ATP12A: variants seen among roughly 807,000 people sequenced by gnomAD.
ATP12A encodes the protein potassium-transporting ATPase alpha chain 2.
A neutral mutation model predicts 111.2 loss-of-function variants in ATP12A; 81 were observed. The ratio of observed to expected loss-of-function variants is 0.73; its 90% CI spans 0.61 to 0.88. The LOEUF (loss-of-function observed/expected upper bound fraction) is 0.88, where lower values mean the gene tolerates loss of function less well. Among genes scored for constraint, ATP12A ranks in the 40% least tolerant of loss-of-function variants. The pLI is 0.00. For missense variants in ATP12A, 1,196 were observed against 1,313.1 expected, an observed-to-expected ratio of 0.91 and a Z score of 1.38; for synonymous variants, 498 against 499.8, an observed-to-expected ratio of 1.00 and a Z score of 0.05.
intron 9 of ATP12A, 76 bp downstream of exon 9, chr13:24,692,703 T>C: frequency 1.9e-6 from 3 of 1,597,958 alleles, no homozygotes; most frequent in Non-Finnish European, 2.6e-6. Flanking sequence ...CACAGCAGGG[T>C]CTGCAGCCAG....
At chr13:24,709,074 C>A (rs1354800116) in intron 17 of ATP12A, among the ~76,000 whole-genome samples, 1 of 152,190 alleles carries the variant, frequency 6.6e-6, no homozygotes, top group Non-Finnish European at 1.5e-5. Context: ...GTCCTCCCAC[C>A]TGGAGGGAGA....
At position 24,681,723 on chromosome 13, in the gene ATP12A, C is replaced by T. The variant is rs772379732; in HGVS notation, c.168+3C>T. 23 of 1,613,986 alleles carry T rather than the reference C, an allele frequency of 1.4e-5. No individual in the cohort carries two copies. In the East Asian group the frequency reaches 1.8e-4, roughly 13 times the overall value. ...AGTTTCAGAAAGAACTCCATCTGGT[C>T]AGTAGCCTTAAGCCACGGGGTCCTG... is the stretch of plus-strand genomic sequence containing the variant. On this transcript the variant is annotated splice_donor_region_variant and intron_variant, in intron 2 of 22. Coordinates refer to ENST00000381946, the MANE Select transcript of ATP12A (RefSeq NM_001676.7).
intron 2 of ATP12A, among the ~76,000 whole-genome samples, chr13:24,682,236 T>C (rs1412474707): frequency 4.6e-5 from 6 of 131,320 alleles, no homozygotes; most frequent in Admixed American, 1.5e-4. Context: ...ATGTGCATGG[T>C]ATGTGTGGTG....
rs1393259922 is a variant in ATP12A at position 24,680,484 on chromosome 13, G to T, written c.-260G>T. 1.8e-5 allele frequency: 8 copies of T among 443,370 alleles called. No individual in the cohort carries two copies. In the South Asian group the frequency reaches 3.2e-4, roughly 18 times the overall value. The allele number at this position is 443,370 out of a possible 1,614,324, so 27.5% of individuals were successfully genotyped here. On this transcript the variant is annotated 5_prime_UTR_variant, in exon 1 of 23. Transcript: ENST00000381946. ...CGCGCCGGCGGGTTTCCTACCCTCC[G>T]AGGCGTCCGCTGGCCTGCGCCCTGG... is the stretch of plus-strand genomic sequence containing the variant.
Position 24,702,072 on chromosome 13 carries a change from G to A in ATP12A, c.2018+1G>A. On this transcript the variant is annotated splice_donor_variant, in intron 14 of 22. Transcript: ENST00000381946. LOFTEE classifies it high-confidence loss of function. ...TTGCTGTGGAGCAAGTTAACAAACG[G>A]TAAGCACAGGAGCAGCATAGTAAAA... The A allele has an allele frequency of 6.2e-7, 1 of 1,614,240 alleles. No individual in the cohort carries two copies. Among genetic ancestry groups the A allele is most frequent in the Non-Finnish European group, 8.5e-7 (1 of 1,180,038 alleles).
In ATP12A at chr13:24,692,954, G is replaced by A. The variant is rs771535571; in HGVS notation, c.1377+58G>A. The A allele has an allele frequency of 6.9e-6, 10 of 1,453,884 alleles. No individual in the cohort carries two copies. The African/African-American group carries it at 1.1e-4, about 16-fold the overall frequency. 90.1% of individuals were successfully genotyped at this position (1,453,884 alleles called of 1,614,324 possible). ...CAGCCAGTTTGTAGTCACTTGCTGA[G>A]GTCTGATTGGGTGCTTGATTTCATC... On this transcript the variant is annotated intron_variant, in intron 10 of 22. Transcript: ENST00000381946.
In ATP12A at chr13:24,681,576, T is replaced by C. The variant is rs771424580; in HGVS notation, c.24T>C (p.Ile8=). ...TTCTCTTTCAGAAAACCCCAGAAAT[T>C]TACTCCGTGGAGCTCAGCGGAACTA... MHQKTPE[I]YSVELSGTKD... Residue 8 remains isoleucine (I), a synonymous_variant, in exon 2 of 23, where the codon ATT becomes ATC. Coordinates refer to ENST00000381946, the MANE Select transcript of ATP12A (RefSeq NM_001676.7). The C allele has an allele frequency of 6.2e-7, 1 of 1,611,192 alleles. No homozygotes were observed.
At chr13:24,691,481 A>G (rs182959435) in intron 8 of ATP12A, among the ~76,000 whole-genome samples, 2 of 152,214 alleles carry the variant, frequency 1.3e-5, no homozygotes, top group Non-Finnish European at 2.9e-5. Flanking sequence ...TTCAATCTGC[A>G]ATTCACACAG....
chr13:24,698,620 C>A (rs1429113235), intron 11 of ATP12A, 38 bp from the exon 12 acceptor site: 2 of 1,595,758 alleles, frequency 1.3e-6, no homozygotes, highest in Non-Finnish European at 1.7e-6. Context: ...TGCGTTTCAC[C>A]TTTCTGTAAG....
At chr13:24,687,953 A>T (rs1300108912) in intron 3 of ATP12A, among the ~76,000 whole-genome samples, 1 of 152,154 alleles carries the variant, frequency 6.6e-6, no homozygotes, top group East Asian at 1.9e-4. Context: ...ACCACGTTGA[A>T]CCTGGTCGCT....
chr13:24,709,284 A>AC, intron 17 of ATP12A, 80 bp from the exon 18 acceptor site: 12 of 57,480 alleles, frequency 2.1e-4, no homozygotes, highest in South Asian at 3.4e-4. Context: ...CCAGTGCCCC[A>AC]CCCACCCCAG....
At position 24,709,423 on chromosome 13, in the gene ATP12A, T is replaced by C; in HGVS notation, c.2553T>C (p.Pro851=). 1.9e-6 allele frequency: 3 copies of C among 1,613,964 alleles called. No homozygotes were observed. Among genetic ancestry groups the C allele is most frequent in the Non-Finnish European group, 2.5e-6 (3 of 1,180,000 alleles). Residue 851 remains proline, a synonymous_variant, in exon 18 of 23, where the codon CCT becomes CCC. Transcript: ENST00000381946. ...KAESDIMNRK[P]RHKNKDRLVN... ...AAAGTGACATCATGAACAGGAAGCC[T>C]CGCCACAAGAATAAGGACAGGCTGG... is the stretch of plus-strand genomic sequence containing the variant.
At chr13:24,702,138 G>T (rs1875426078) in intron 14 of ATP12A, 67 bp downstream of exon 14, 1 of 1,594,134 alleles carries the variant, frequency 6.3e-7, no homozygotes. Flanking sequence ...GCTCTAAAGA[G>T]CTGCACTACT....
intron 17 of ATP12A, among the ~76,000 whole-genome samples, chr13:24,708,673 G>C (rs1432987717): frequency 6.6e-6 from 1 of 151,880 alleles, no homozygotes; most frequent in Non-Finnish European, 1.5e-5. Flanking sequence ...TCAGGAGTTT[G>C]AGTCCAGCCT....
intron 4 of ATP12A, 116 bp from the exon 5 acceptor site, chr13:24,689,145 TA>T: frequency 1.3e-6 from 1 of 799,954 alleles, no homozygotes; most frequent in Non-Finnish European, 2.1e-6. Context: ...CCATGGCCTG[TA>T]AATTATACCA....
chr13:24,692,666 G>A (rs749506964), intron 9 of ATP12A, 39 bp downstream of exon 9: 16 of 1,601,692 alleles, frequency 1.0e-5, no homozygotes, highest in Middle Eastern at 1.7e-4. Flanking sequence ...CAAAGCTGTG[G>A]ACTCCATCCT....
chr13:24,691,226 C>T lies in ATP12A; in HGVS notation c.1044C>T (p.Pro348=), dbSNP rs781069183. The T allele has an allele frequency of 8.1e-6, 13 of 1,613,228 alleles. No homozygotes were observed. The highest frequency in any genetic ancestry group is 1.7e-4 in the Middle Eastern group (1 of 6,028). ...TTGGCATCATTGTGGCCAATGTGCC[C>T]GAGGGCCTCCTGGCCACTGTCACTG... ...FLIGIIVANV[P]EGLLATVTVT... The change falls in exon 8 of 23, where the codon CCC becomes CCT. Residue 348 remains proline (P), a synonymous_variant. Transcript: ENST00000381946.
intron 14 of ATP12A, among the ~76,000 whole-genome samples, chr13:24,705,018 GT>G (rs1465850886): frequency 6.6e-6 from 1 of 151,916 alleles, no homozygotes; most frequent in African/African-American, 2.4e-5. Context: ...GTTTTGTTTT[GT>G]TTTTTTGCCA....
chr13:24,708,964 G>GAAAGGAAGAAAGAAAGAAAGAAAGAAA (rs1566078416), intron 17 of ATP12A, among the ~76,000 whole-genome samples: 16 of 114,728 alleles, frequency 1.4e-4, no homozygotes, highest in Non-Finnish European at 1.7e-4. Context: ...AAAGAAAGAA[G>GAAAGGAAGAAAGAAAGAAAGAAAGAAA]GAAAGAGAAA....
Sources: allele counts gnomAD v4.1 joint callset (sites outside exome capture counted in the v4.1 genomes callset), GRCh38; gene constraint gnomAD v4.1.1; transcripts MANE v1.5; gene names NCBI Gene and HGNC (gene_info 2026-07-23, HGNC 2026-07-21).